The following LYPD5 variants were observed in gnomAD, a reference collection of about 807,000 sequenced individuals.
The protein encoded by LYPD5 is ly6/PLAUR domain-containing protein 5.
LYPD5 carries 21 observed loss-of-function variants against 19.1 expected under a neutral mutation model. The observed-to-expected ratio is 1.10, with a 90% confidence interval of 0.78 to 1.58. The LOEUF (loss-of-function observed/expected upper bound fraction) is 1.58, where lower values mean the gene tolerates loss of function less well. Among genes scored for constraint, LYPD5 ranks in the 40% most tolerant of loss-of-function variants. The pLI, the probability that LYPD5 is intolerant of heterozygous loss-of-function variation, is 0.00. For missense variants in LYPD5, 287 were observed against 329.8 expected, an observed-to-expected ratio of 0.87 and a Z score of 1.00; for synonymous variants, 128 against 142.7, an observed-to-expected ratio of 0.90 and a Z score of 0.74.
In LYPD5 at chr19:43,797,687, C is replaced by T. The variant is rs771897728; in HGVS notation, c.660G>A (p.Gln220=). The change falls in exon 5 of 5, where the codon CAG becomes CAA. Residue 220 remains glutamine, a synonymous_variant. Coordinates refer to ENST00000377950, the MANE Select transcript of LYPD5 (RefSeq NM_001031749.3). The part of the protein sequence containing the change: ...GYLCNRKSMT[Q]PFTSASATTP... ...TGGTGGCTGAAGCACTGGTGAAGGG[C>T]TGGGTCATGGATTTCCTGTTGCAGA... The T allele has an allele frequency of 4.4e-5, 71 of 1,613,492 alleles. No individual in the cohort carries two copies. Among genetic ancestry groups the T allele is most frequent in the Middle Eastern group, 1.6e-4 (1 of 6,078 alleles).
At position 43,798,895 on chromosome 19, in the gene LYPD5, T is replaced by C. The variant is rs752886238; in HGVS notation, c.287A>G (p.Asp96Gly). The change falls in exon 3 of 5, where the codon GAC (aspartate) becomes GGC (glycine). Residue 96 changes from aspartate (D) to glycine (G), a missense_variant. Coordinates refer to ENST00000377950, the MANE Select transcript of LYPD5 (RefSeq NM_001031749.3). ...TQSNADALPP[D>G]YSVVRGCTTD... ...TGTGCAGCCGCGCACCACCGAGTAG[T>C]CTGGCGGCAGCGCGTCCGCGTTCGA... is the stretch of plus-strand genomic sequence containing the variant. 4 of 1,604,328 alleles carry C rather than the reference T, an allele frequency of 2.5e-6. No individual in the cohort carries two copies. The East Asian group carries it at 9.0e-5, about 36-fold the overall frequency.
chr19:43,798,990 TG>T lies in LYPD5; in HGVS notation c.194-3del. ...CCAGGGTCACCGGCGCGCGATACCC[TG>T]GGGGCGGGATCGGGGCTCGTGCTCT... On this transcript the variant is annotated splice_polypyrimidine_tract_variant and splice_region_variant and intron_variant, in intron 2 of 4. Coordinates refer to ENST00000377950, the MANE Select transcript of LYPD5 (RefSeq NM_001031749.3). 6.4e-7 allele frequency: 1 copy of T among 1,564,170 alleles called. No homozygotes were observed. The highest frequency in any genetic ancestry group is 8.7e-7 in the Non-Finnish European group (1 of 1,154,446).
chr19:43,812,335 T>TTCTATCTATCTATCTATCTATCTA (rs61040752), intron 1 of LYPD5, among the ~76,000 whole-genome samples: 11 of 143,398 alleles, frequency 7.7e-5, no homozygotes, highest in East Asian at 2.0e-4. Context: ...TGGTTATTTT[T>TTCTATCTATCTATCTATCTATCTA]TCTATCTATC....
chr19:43,815,362 A>G (rs984819843), intron 1 of LYPD5, among the ~76,000 whole-genome samples: 2 of 151,988 alleles, frequency 1.3e-5, no homozygotes, highest in African/African-American at 4.8e-5. Context: ...AAAGAAAGAA[A>G]AAGGAGTTTG....
Position 43,797,573 on chromosome 19 carries a change from G to A in LYPD5, c.*18C>T, listed in dbSNP as rs765376846. 5 of 1,553,098 alleles carry A rather than the reference G, an allele frequency of 3.2e-6. No homozygotes were observed. Among genetic ancestry groups the A allele is most frequent in the African/African-American group, 2.7e-5 (2 of 73,866 alleles). The stretch of plus-strand genomic sequence containing the variant: ...ATGAGGTGTGTGAGCCCTGTCCCCA[G>A]CATCCTGGAGGGGCGGTCTATGCTG... On this transcript the variant is annotated 3_prime_UTR_variant, in exon 5 of 5. Transcript: ENST00000377950.
intron 1 of LYPD5, among the ~76,000 whole-genome samples, chr19:43,817,019 C>T (rs1970380678): frequency 6.6e-6 from 1 of 152,016 alleles, no homozygotes; most frequent in Non-Finnish European, 1.5e-5. Context: ...TATCAGTTAC[C>T]CAGTCTTGGG....
intron 2 of LYPD5, among the ~76,000 whole-genome samples, chr19:43,799,391 C>G (rs1229299614): frequency 1.3e-5 from 2 of 152,024 alleles, no homozygotes; most frequent in East Asian, 3.9e-4. Context: ...TTACAGGTGC[C>G]CGCCACCACG....
chr19:43,820,009 TCAC>T (rs1383666665), intron 1 of LYPD5, among the ~76,000 whole-genome samples: 1 of 124,702 alleles, frequency 8.0e-6, no homozygotes, highest in African/African-American at 2.6e-5. Context: ...GGAAAAGACT[TCAC>T]CATTCCTGTA....
At chr19:43,814,614 T>C (rs111841754) in intron 1 of LYPD5, among the ~76,000 whole-genome samples, 1,960 of 152,328 alleles carry the variant, frequency 0.013, 38 homozygotes, top group African/African-American at 0.045. Context: ...TATGATAATT[T>C]AGGTTCAGCT....
upstream of LYPD5, among the ~76,000 whole-genome samples, chr19:43,802,803 C>T (rs1015235362): frequency 6.6e-6 from 1 of 152,066 alleles, no homozygotes; most frequent in Non-Finnish European, 1.5e-5. Context: ...ATCGTCCCAT[C>T]ATCTAAACCT....
upstream of LYPD5, among the ~76,000 whole-genome samples, chr19:43,803,825 C>T (rs1384237972): frequency 1.3e-5 from 2 of 152,074 alleles, no homozygotes; most frequent in Non-Finnish European, 2.9e-5. Flanking sequence ...TCTTTCTCTG[C>T]TCCCCCCGCA....
chr19:43,798,095 C>T (rs112210078), intron 4 of LYPD5, among the ~76,000 whole-genome samples: 2,179 of 118,668 alleles, frequency 0.018, 172 homozygotes, highest in Non-Finnish European at 0.03. Flanking sequence ...ATGCCTCCTC[C>T]CTCAGACCAG....
intron 1 of LYPD5, among the ~76,000 whole-genome samples, chr19:43,812,369 CTATCTATCA>C (rs912187706): frequency 2.2e-5 from 3 of 137,094 alleles, no homozygotes; most frequent in African/African-American, 8.1e-5. Context: ...ATCTATCTAT[CTATCTATCA>C]ATCTATCATC....
At chr19:43,807,287 CTTT>C (rs71903986), upstream of LYPD5, among the ~76,000 whole-genome samples, 1 of 117,012 alleles carries the variant, frequency 8.5e-6, no homozygotes. Context: ...TTTTCTTTTT[CTTT>C]TTTTTTTTTG....
intron 1 of LYPD5, among the ~76,000 whole-genome samples, chr19:43,800,319 T>C (rs1970206408): frequency 6.6e-6 from 1 of 152,066 alleles, no homozygotes; most frequent in Non-Finnish European, 1.5e-5. Context: ...TAACAACACA[T>C]ACACAGGTTC....
chr19:43,816,072 A>G (rs1970372831), intron 1 of LYPD5, among the ~76,000 whole-genome samples: 1 of 151,752 alleles, frequency 6.6e-6, no homozygotes, highest in African/African-American at 2.4e-5. Flanking sequence ...CTATCTATCT[A>G]TCTATCTACC....
chr19:43,807,281 C>T (rs565218642), upstream of LYPD5, among the ~76,000 whole-genome samples: 378 of 119,050 alleles, frequency 3.2e-3, 3 homozygotes, highest in Middle Eastern at 8.5e-3. Flanking sequence ...CTTTTCTTTT[C>T]TTTTTCTTTT....
upstream of LYPD5, among the ~76,000 whole-genome samples, chr19:43,804,133 C>T (rs139616361): frequency 3.8e-3 from 578 of 152,246 alleles, 7 homozygotes; most frequent in African/African-American, 0.013. Flanking sequence ...CCACTGTGCC[C>T]GGCCTTCTCT....
intron 4 of LYPD5, 63 bp from the exon 5 acceptor site, chr19:43,797,892 T>G: frequency 2.3e-6 from 3 of 1,302,418 alleles, no homozygotes; most frequent in Non-Finnish European, 3.3e-6. Context: ...ACCTGAACCT[T>G]CACCTTGGTA....
Sources: gnomAD v4.1 joint callset for allele counts (sites outside exome capture counted in the v4.1 genomes callset) on GRCh38, gnomAD v4.1.1 for gene constraint, MANE v1.5 for transcripts, NCBI Gene and HGNC (gene_info 2026-07-23, HGNC 2026-07-21) for gene names.